The following SLC4A8 variants were observed in gnomAD, a reference collection of about 807,000 sequenced individuals.
SLC4A8 encodes electroneutral sodium bicarbonate exchanger 1.
A neutral mutation model predicts 125.0 loss-of-function variants in SLC4A8; 40 were observed. The ratio of observed to expected loss-of-function variants is 0.32; its 90% CI spans 0.25 to 0.42. The LOEUF (loss-of-function observed/expected upper bound fraction) is 0.42. Among genes scored for constraint, SLC4A8 ranks in the 10% least tolerant of loss-of-function variants. The pLI, the probability that SLC4A8 is intolerant of heterozygous loss-of-function variation, is 1.00. For synonymous variants in SLC4A8, 456 were observed against 476.0 expected, an observed-to-expected ratio of 0.96 and a Z score of 0.55; for missense variants, 863 against 1,355.1, an observed-to-expected ratio of 0.64 and a Z score of 5.70.
chr12:51,450,732 A>G (rs1479263751), intron 2 of SLC4A8, 144 bp from the exon 3 acceptor site: 1 of 818,856 alleles, frequency 1.2e-6, no homozygotes. Flanking sequence ...TACTCCTGGA[A>G]GTCTTTGAAG....
chr12:51,392,929 T>G (rs1948177183), intron 1 of SLC4A8: 1 of 152,224 alleles, frequency 6.6e-6, no homozygotes, highest in African/African-American at 2.4e-5. Context: ...TGGTAGAAAC[T>G]TCTACCACTA....
chr12:51,469,635 G>A lies in SLC4A8; in HGVS notation c.1371G>A (p.Leu457=). Residue 457 remains leucine (L), a synonymous_variant, in exon 12 of 25, where the codon CTG becomes CTA. Coordinates refer to ENST00000453097, the MANE Select transcript of SLC4A8 (RefSeq NM_001039960.3). ...ACAGGCTATTTGGGGGCTTGGTGCT[G>A]GACATCAAGCGGAAGGCCCCCTGGT... ...RTGRLFGGLV[L]DIKRKAPWYW... 1.2e-6 allele frequency: 2 copies of A among 1,613,612 alleles called. No homozygotes were observed. Among genetic ancestry groups the A allele is most frequent in the Non-Finnish European group, 1.7e-6 (2 of 1,179,946 alleles).
At position 51,433,364 on chromosome 12, in the gene SLC4A8, A is replaced by G. The variant is rs547480987; in HGVS notation, c.49-7344A>G. Among the ~76,000 whole-genome samples, 3 of 152,320 alleles carry G rather than the reference A, an allele frequency of 2.0e-5. No individual in the cohort carries two copies. In the East Asian group the frequency reaches 5.8e-4, roughly 29 times the overall value. ...ATCAGTGAACTAAGAGGAAGTTCAGAAAAGAGGATACTCAGAAATAGGGCT... is the reference window on the plus strand; with the variant it reads ...ATCAGTGAACTAAGAGGAAGTTCAGGAAAGAGGATACTCAGAAATAGGGCT... On this transcript the variant is annotated intron_variant, in intron 1 of 24. Transcript: ENST00000453097.
chr12:51,424,669 G>A, upstream of SLC4A8: 3 of 412,586 alleles, frequency 7.3e-6, no homozygotes, highest in Non-Finnish European at 1.3e-5. Context: ...CCCCTGAAGG[G>A]AGGGAGGCGG....
chr12:51,452,143 TCA>T lies in SLC4A8; in HGVS notation c.298_299del (p.Gln100ValfsTer9), dbSNP rs1370803461. On this transcript the variant is annotated frameshift_variant, in exon 4 of 25. Transcript: ENST00000453097. LOFTEE classifies it high-confidence loss of function. ...LAHDTPSQRV[Q>X]FILGTEEDEE... ...TCCTAGACACACCATCTCAGCGTGT[TCA>T]GTTCATTCTTGGCACCGAGGAAGAT... 2 of 1,614,212 alleles carry T rather than the reference TCA, an allele frequency of 1.2e-6. No individual in the cohort carries two copies. The highest frequency in any genetic ancestry group is 1.7e-6 in the Non-Finnish European group (2 of 1,180,030).
chr12:51,444,167 C>T (rs962728748), intron 2 of SLC4A8, among the ~76,000 whole-genome samples: 2 of 152,152 alleles, frequency 1.3e-5, no homozygotes, highest in African/African-American at 4.8e-5. Flanking sequence ...GAATGGCCAA[C>T]AAAGTGACCA....
At chr12:51,460,833 TCCCTCTCCTCTC>T (rs1025407955) in intron 8 of SLC4A8, among the ~76,000 whole-genome samples, 1 of 152,206 alleles carries the variant, frequency 6.6e-6, no homozygotes, top group Non-Finnish European at 1.5e-5. Flanking sequence ...AACTTCCTTA[TCCCTCTCCTCTC>T]CCCATCATTT....
chr12:51,497,285 C>G, intron 22 of SLC4A8, 161 bp downstream of exon 22: 1 of 779,112 alleles, frequency 1.3e-6, no homozygotes, highest in Non-Finnish European at 2.0e-6. Flanking sequence ...ATTAGGGATT[C>G]TTGCTTCTGT....
intron 19 of SLC4A8, among the ~76,000 whole-genome samples, chr12:51,491,599 G>A (rs932135455): frequency 2.0e-5 from 3 of 152,192 alleles, no homozygotes; most frequent in Non-Finnish European, 4.4e-5. Context: ...TCTGCTGCCT[G>A]TGGGTGATTT....
At chr12:51,477,539 G>GC in intron 16 of SLC4A8, among the ~76,000 whole-genome samples, 1 of 152,298 alleles carries the variant, frequency 6.6e-6, no homozygotes, top group East Asian at 1.9e-4. Context: ...ATTGTACTTT[G>GC]CCAAAGGTAG....
At chr12:51,463,591 A>C (rs1950419890) in intron 10 of SLC4A8, 23 bp from the exon 11 acceptor site, 1 of 1,558,248 alleles carries the variant, frequency 6.4e-7, no homozygotes, top group African/African-American at 1.4e-5. Context: ...ACCTTTACTA[A>C]TTTTGTGGTC....
At chr12:51,496,918 G>T in intron 21 of SLC4A8, 69 bp from the exon 22 acceptor site, 1 of 1,507,040 alleles carries the variant, frequency 6.6e-7, no homozygotes, top group South Asian at 1.2e-5. Flanking sequence ...GTGAAAATAA[G>T]GCTTTGCTTT....
intron 1 of SLC4A8, among the ~76,000 whole-genome samples, chr12:51,408,151 A>T (rs1948526579): frequency 6.6e-6 from 1 of 152,140 alleles, no homozygotes; most frequent in Admixed American, 6.5e-5. Context: ...AAATAAGGTT[A>T]TATTCTTAGG....
At chr12:51,491,711 C>A (rs1951319838) in intron 19 of SLC4A8, among the ~76,000 whole-genome samples, 2 of 151,176 alleles carry the variant, frequency 1.3e-5, no homozygotes, top group Non-Finnish European at 2.9e-5. Flanking sequence ...ATGTCTGGCT[C>A]TTCCTCCACC....
rs571541067 is a variant in SLC4A8, at chr12:51,392,803, C to G, written c.-112+1315C>G. The G allele has an allele frequency of 5.3e-5, 8 of 152,288 alleles. No individual in the cohort carries two copies. In the East Asian group the frequency reaches 9.7e-4, roughly 18 times the overall value. The allele number at this position is 152,288 out of a possible 1,614,324, so 9.4% of individuals were successfully genotyped here. A position where few individuals can be genotyped will look rare whatever the true frequency, so the allele number is the denominator to read the frequency against. ...TGTTCGGAATTACCCCGCCAGGGCCCGTGCTGCTCAGTGGTCCTCTCCGGC... is the reference window on the plus strand; with the variant it reads ...TGTTCGGAATTACCCCGCCAGGGCCGGTGCTGCTCAGTGGTCCTCTCCGGC... On this transcript the variant is annotated intron_variant, in intron 1 of 24. Coordinates refer to the SLC4A8 transcript ENST00000358657.
At chr12:51,449,040 G>A (rs1003177391) in intron 2 of SLC4A8, among the ~76,000 whole-genome samples, 1 of 152,084 alleles carries the variant, frequency 6.6e-6, no homozygotes, top group Admixed American at 6.6e-5. Context: ...CAGAGGGGTG[G>A]GAGACAATGG....
intron 1 of SLC4A8, among the ~76,000 whole-genome samples, chr12:51,439,766 G>A (rs1949536721): frequency 6.6e-6 from 1 of 152,156 alleles, no homozygotes; most frequent in African/African-American, 2.4e-5. Flanking sequence ...CATATGGTAG[G>A]CACTCATACA....
At chr12:51,480,386 A>G (rs1331410147) in intron 16 of SLC4A8, 1 of 1,148,776 alleles carries the variant, frequency 8.7e-7, no homozygotes, top group Non-Finnish European at 1.1e-6. Flanking sequence ...AATTTTACAC[A>G]TGTGTGCAGG....
chr12:51,483,612 A>AT (rs34550033), intron 16 of SLC4A8, among the ~76,000 whole-genome samples: 34,470 of 151,480 alleles, frequency 0.23, 4,611 homozygotes, highest in Non-Finnish European at 0.3. Flanking sequence ...AATAAATGGC[A>AT]TTTTTTTTGC....
Sources: gnomAD v4.1 joint callset for allele counts (sites outside exome capture counted in the v4.1 genomes callset) on GRCh38, gnomAD v4.1.1 for gene constraint, MANE v1.5 for transcripts, NCBI Gene and HGNC (gene_info 2026-07-23, HGNC 2026-07-21) for gene names.